The following SHC3 variants were observed in gnomAD, a reference collection of about 807,000 sequenced individuals.
SHC3 encodes SHC adaptor protein 3, also known as SHC-transforming protein 3.
Under a neutral mutation model 60.4 loss-of-function variants are expected in SHC3, and 15 were observed. The observed-to-expected ratio is 0.25, with a 90% CI of 0.17 to 0.38. The LOEUF (loss-of-function observed/expected upper bound fraction) is 0.38. Among genes scored for constraint, SHC3 ranks in the 10% least tolerant of loss-of-function variants. The probability of loss-of-function intolerance (pLI) is 1.00; values close to 1 mark genes in which losing one functional copy is unlikely to be tolerated. For missense variants in SHC3, 677 were observed against 786.1 expected (o/e 0.86, Z 1.66); for synonymous variants, 294 against 325.9 (o/e 0.90, Z 1.05).
chr9:89,154,190 T>G (rs563257691), intron 1 of SHC3, among the ~76,000 whole-genome samples: 189 of 151,536 alleles, frequency 1.2e-3, no homozygotes, highest in African/African-American at 4.1e-3. Flanking sequence ...TGAGATTTTT[T>G]TGTGTGTGAT....
chr9:89,110,495 C>T, intron 2 of SHC3: 1 of 976,482 alleles, frequency 1.0e-6, no homozygotes, highest in Non-Finnish European at 1.2e-6. Context: ...CCATGGAGAC[C>T]TTAAAAGCTC....
chr9:89,095,132 A>C (rs1215167828), intron 2 of SHC3, among the ~76,000 whole-genome samples: 2 of 152,198 alleles, frequency 1.3e-5, no homozygotes, highest in African/African-American at 4.8e-5. Context: ...ACCCAAAATA[A>C]GTGATAGCAG....
At chr9:89,166,574 G>A (rs1242160438) in intron 1 of SHC3, among the ~76,000 whole-genome samples, 2 of 152,308 alleles carry the variant, frequency 1.3e-5, no homozygotes, top group East Asian at 3.9e-4. Context: ...AGGGTCTGCG[G>A]GGAGGGAGGT....
chr9:89,173,690 G>A (rs117200370), intron 1 of SHC3, among the ~76,000 whole-genome samples: 1,919 of 151,994 alleles, frequency 0.013, 16 homozygotes, highest in South Asian at 0.037. Flanking sequence ...GTGTGTGGGT[G>A]CATGGTGTGT....
At chr9:89,117,148 C>A (rs1826030085) in intron 1 of SHC3, among the ~76,000 whole-genome samples, 1 of 152,118 alleles carries the variant, frequency 6.6e-6, no homozygotes, top group African/African-American at 2.4e-5. Flanking sequence ...GTAGCCTGGG[C>A]CTAATTTCTT....
At position 89,067,130 on chromosome 9, in the gene SHC3, G is replaced by C. The variant is rs149038202; in HGVS notation, c.784-1550C>G. Among the ~76,000 whole-genome samples, 305 of 152,284 alleles carry C rather than the reference G, an allele frequency of 2.0e-3. 3 individuals carry two copies. The highest frequency in any genetic ancestry group is 6.9e-3 in the African/African-American group (287 of 41,554). The stretch of plus-strand genomic sequence containing the variant: ...GACTAGGGAAAGGAAATGAAAGATC[G>C]TCCACCTGGTCAAACTGGCTTCTGG... On this transcript the variant is annotated intron_variant, in intron 5 of 11. Transcript: ENST00000375835.
At position 89,071,873 on chromosome 9, in the gene SHC3, C is replaced by T. The variant is rs189405066; in HGVS notation, c.730-621G>A. Among the ~76,000 whole-genome samples, 10 of 152,328 alleles carry T rather than the reference C, an allele frequency of 6.6e-5. 1 individual carries two copies. Among genetic ancestry groups the T allele is most frequent in the East Asian group, 1.9e-4 (1 of 5,186 alleles). On this transcript the variant is annotated intron_variant, in intron 4 of 11. Coordinates refer to ENST00000375835, the MANE Select transcript of SHC3 (RefSeq NM_016848.6). ...GTGATAAGCAGCCAGCATCTGCCAA[C>T]GAAGGCTCTGCCCACATCAAAGACT...
At chr9:89,150,956 T>G (rs1352759443) in intron 1 of SHC3, among the ~76,000 whole-genome samples, 1 of 152,208 alleles carries the variant, frequency 6.6e-6, no homozygotes, top group South Asian at 2.1e-4. Context: ...TTGATTCACA[T>G]TTCCCTAATG....
At chr9:89,070,881 G>A (rs1008964139) in intron 5 of SHC3, among the ~76,000 whole-genome samples, 3 of 152,184 alleles carry the variant, frequency 2.0e-5, no homozygotes, top group Non-Finnish European at 4.4e-5. Flanking sequence ...GGCAAGAGCC[G>A]AGTGACAGCG....
rs753611918 is a variant in SHC3, at chr9:89,075,163, G to T, written c.675C>A (p.Ile225=). The T allele has an allele frequency of 6.2e-7, 1 of 1,614,020 alleles. No individual in the cohort carries two copies. Among genetic ancestry groups the T allele is most frequent in the Admixed American group, 1.7e-5 (1 of 60,016 alleles). Reference sequence around the variant, plus strand: ...GACTGGCCGTGGAGATGGTCAGAGAGATGCTCATTCCCGCAAACTGGAGGT... The same window carrying T: ...GACTGGCCGTGGAGATGGTCAGAGATATGCTCATTCCCGCAAACTGGAGGT... ...KSNLQFAGMS[I]SLTISTASLN... The change falls in exon 4 of 12, where the codon ATC becomes ATA. Residue 225 remains isoleucine (I), a synonymous_variant. Transcript: ENST00000375835.
chr9:89,127,781 C>T (rs1006716657), intron 1 of SHC3, among the ~76,000 whole-genome samples: 1 of 150,670 alleles, frequency 6.6e-6, no homozygotes, highest in Non-Finnish European at 1.5e-5. Context: ...CCCACTCCAC[C>T]CCCCCCCACC....
At chr9:89,155,017 A>G (rs921001484) in intron 1 of SHC3, among the ~76,000 whole-genome samples, 2 of 152,198 alleles carry the variant, frequency 1.3e-5, no homozygotes, top group Non-Finnish European at 2.9e-5. Context: ...TCTGCCACTA[A>G]GCTGGCTGCT....
chr9:89,080,734 A>AATAT (rs10591505), intron 2 of SHC3, among the ~76,000 whole-genome samples: 2,368 of 132,042 alleles, frequency 0.018, 70 homozygotes, highest in African/African-American at 0.055. Flanking sequence ...AACTAGGAAG[A>AATAT]ATATATATAT....
At chr9:89,064,361 TGA>T in intron 6 of SHC3, among the ~76,000 whole-genome samples, 1 of 152,236 alleles carries the variant, frequency 6.6e-6, no homozygotes, top group Admixed American at 6.5e-5. Flanking sequence ...CATGCAAACC[TGA>T]GAGAGCCTGG....
intron 1 of SHC3, among the ~76,000 whole-genome samples, chr9:89,154,908 T>C (rs1372026945): frequency 6.6e-6 from 1 of 152,184 alleles, no homozygotes; most frequent in Non-Finnish European, 1.5e-5. Flanking sequence ...TACATATTGG[T>C]ATTATGGCTA....
intron 2 of SHC3, among the ~76,000 whole-genome samples, chr9:89,104,238 A>C (rs944834606): frequency 6.6e-6 from 1 of 152,226 alleles, no homozygotes; most frequent in African/African-American, 2.4e-5. Context: ...AAATGGTTCC[A>C]AAGTTAAAAA....
intron 9 of SHC3, among the ~76,000 whole-genome samples, chr9:89,043,581 T>C (rs1033516585): frequency 1.3e-5 from 2 of 152,160 alleles, no homozygotes; most frequent in African/African-American, 4.8e-5. Flanking sequence ...TTCACTTCCA[T>C]TAGGGACAGT....
intron 1 of SHC3, among the ~76,000 whole-genome samples, chr9:89,150,213 C>T (rs546916043): frequency 2.0e-5 from 3 of 152,260 alleles, no homozygotes; most frequent in East Asian, 3.9e-4. Context: ...TATCCATGAT[C>T]ACAGATACCC....
chr9:89,075,278 G>T (rs760625489), intron 3 of SHC3, 50 bp from the exon 4 acceptor site: 1 of 1,600,352 alleles, frequency 6.2e-7, no homozygotes, highest in South Asian at 1.1e-5. Context: ...CATCTCAAAG[G>T]GTGGGGATGT....
Sources: allele counts gnomAD v4.1 joint callset (sites outside exome capture counted in the v4.1 genomes callset), GRCh38; gene constraint gnomAD v4.1.1; transcripts MANE v1.5; gene names NCBI Gene and HGNC (gene_info 2026-07-23, HGNC 2026-07-21).